The following DOCK5 variants were observed in gnomAD, a reference collection of about 807,000 sequenced individuals.
The protein encoded by DOCK5 is dedicator of cytokinesis 5.
Under a neutral mutation model 251.8 loss-of-function variants are expected in DOCK5, and 142 were observed. That is an observed-to-expected ratio of 0.56 (90% CI 0.49 to 0.65). The LOEUF (loss-of-function observed/expected upper bound fraction) is 0.65. DOCK5 is among the 30% of genes least tolerant of loss of function. The pLI is 0.00. For missense variants in DOCK5, 2,111 were observed against 2,312.3 expected (o/e 0.91, Z 1.79); for synonymous variants, 842 against 835.5 (o/e 1.01, Z -0.13).
chr8:25,292,232 C>CT (rs1804511115), intron 6 of DOCK5, 60 bp downstream of exon 6: 1 of 1,460,944 alleles, frequency 6.8e-7, no homozygotes, highest in African/African-American at 1.4e-5. Flanking sequence ...CATGTTCACG[C>CT]TAATGACACT....
At chr8:25,194,299 A>G (rs924223001) in intron 1 of DOCK5, among the ~76,000 whole-genome samples, 7 of 152,142 alleles carry the variant, frequency 4.6e-5, no homozygotes, top group African/African-American at 1.7e-4. Context: ...GTCTCAAAAA[A>G]ATAAAAGATA....
rs1421118477 is a variant in DOCK5, at chr8:25,217,065, A to ATG, written c.44-26607_44-26606dup. 5.0e-5 allele frequency among the ~76,000 whole-genome samples: 7 copies of ATG among 139,296 alleles called. No homozygotes were observed. In the South Asian group the frequency reaches 1.2e-3, roughly 23 times the overall value. The allele number at this position is 139,296 out of a possible 152,430, so 91.4% of individuals were successfully genotyped here. A position where few individuals can be genotyped will look rare whatever the true frequency, so the allele number is the denominator to read the frequency against. ...GTATACATGTATAGATGTATACAAT[A>ATG]TGTATATATGTATATATAATATGTG... On this transcript the variant is annotated intron_variant, in intron 1 of 51. Transcript: ENST00000276440.
rs368026408 is a variant in DOCK5 at position 25,380,413 on chromosome 8, A to G, written c.4026+19A>G. ...CCTCCTGGTGAGTCTGGGTCAAAAT[A>G]TGTTAGGCCTCTGACAGGGTTGCTA... On this transcript the variant is annotated intron_variant, in intron 39 of 51. Coordinates refer to ENST00000276440, the MANE Select transcript of DOCK5 (RefSeq NM_024940.8). 9.5e-6 allele frequency: 15 copies of G among 1,586,816 alleles called. 1 individual carries two copies. Among genetic ancestry groups the G allele is most frequent in the African/African-American group, 9.4e-5 (7 of 74,566 alleles).
At chr8:25,346,953 C>CG (rs772639861) in intron 26 of DOCK5, among the ~76,000 whole-genome samples, 2 of 152,092 alleles carry the variant, frequency 1.3e-5, no homozygotes, top group African/African-American at 2.4e-5. Flanking sequence ...TGTGTTCACT[C>CG]GAACAGTTGA....
intron 5 of DOCK5, among the ~76,000 whole-genome samples, chr8:25,282,154 G>T (rs1219341338): frequency 6.6e-6 from 1 of 151,464 alleles, no homozygotes; most frequent in Non-Finnish European, 1.5e-5. Context: ...AAAAGTAATT[G>T]TGGCTTTCAC....
intron 5 of DOCK5, among the ~76,000 whole-genome samples, chr8:25,281,497 C>G (rs1345107535): frequency 1.3e-5 from 2 of 150,076 alleles, no homozygotes; most frequent in African/African-American, 2.5e-5. Context: ...TTTTGGCTGC[C>G]AAAATCTCTT....
intron 1 of DOCK5, among the ~76,000 whole-genome samples, chr8:25,220,197 T>TTG (rs1198537262): frequency 4.7e-4 from 71 of 151,326 alleles, no homozygotes; most frequent in Admixed American, 9.2e-4. Context: ...TTCCTTTTCT[T>TTG]TGTGTGTGTG....
rs149326440 is a variant in DOCK5 at position 25,296,308 on chromosome 8, T to C, written c.471-205T>C. On this transcript the variant is annotated intron_variant, in intron 6 of 51. Transcript: ENST00000276440. The stretch of plus-strand genomic sequence containing the variant: ...CATATTTGCATATCCTTCTACGACT[T>C]TGGCTAATATCATCTCATGAGTTTT... 6.7e-3 allele frequency among the ~76,000 whole-genome samples: 1,026 copies of C among 152,310 alleles called. 6 individuals carry two copies. The highest frequency in any genetic ancestry group is 9.8e-3 in the Non-Finnish European group (669 of 68,024).
intron 44 of DOCK5, among the ~76,000 whole-genome samples, chr8:25,393,340 C>G (rs1801293266): frequency 6.6e-6 from 1 of 152,176 alleles, no homozygotes; most frequent in Non-Finnish European, 1.5e-5. Flanking sequence ...TTTCCCACCT[C>G]CTCATTGGCC....
intron 1 of DOCK5, among the ~76,000 whole-genome samples, chr8:25,233,807 A>G (rs1417513899): frequency 6.6e-6 from 1 of 152,234 alleles, no homozygotes. Flanking sequence ...GTAGGTGTAT[A>G]TATTTATGGG....
chr8:25,184,882 CCGCCGCCGCGGGGCGAGGT>C lies in DOCK5; in HGVS notation c.-19_-1del, dbSNP rs1586209085. The C allele has an allele frequency of 1.5e-6, 2 of 1,367,460 alleles. No individual in the cohort carries two copies. The highest frequency in any genetic ancestry group is 5.8e-5 in the East Asian group (2 of 34,364). 84.7% of individuals were successfully genotyped at this position (1,367,460 alleles called of 1,614,324 possible). ...CGAGGAGCTGTAGCAGCCTTAGTCG[CCGCCGCCGCGGGGCGAGGT>C]CGCCGCCATGGCCCGCTGGATCCCG... On this transcript the variant is annotated 5_prime_UTR_variant, in exon 1 of 52. Transcript: ENST00000276440.
At chr8:25,251,846 G>A (rs1247438594) in intron 2 of DOCK5, among the ~76,000 whole-genome samples, 1 of 152,028 alleles carries the variant, frequency 6.6e-6, no homozygotes, top group East Asian at 1.9e-4. Flanking sequence ...AAAATTAGCC[G>A]GGCATGGTGG....
intron 40 of DOCK5, among the ~76,000 whole-genome samples, chr8:25,383,049 G>A (rs1169756740): frequency 6.6e-6 from 1 of 152,094 alleles, no homozygotes; most frequent in African/African-American, 2.4e-5. Flanking sequence ...AGCTGCTACG[G>A]GTCACGCCAG....
Position 25,304,607 on chromosome 8 carries a change from C to T in DOCK5, c.1049+280C>T, listed in dbSNP as rs968738991. 5 of 341,520 alleles carry T rather than the reference C, an allele frequency of 1.5e-5. No individual in the cohort carries two copies. The Admixed American group carries it at 1.9e-4, about 13-fold the overall frequency. The allele number at this position is 341,520 out of a possible 1,614,324, so 21.2% of individuals were successfully genotyped here. A position where few individuals can be genotyped will look rare whatever the true frequency, so the allele number is the denominator to read the frequency against. Reference sequence around the variant, plus strand: ...CTGCTCTGGAATGCAGAGAGGGTGCCGTCCTTGTGTCAGCAATGCCAAAAT... The same window carrying T: ...CTGCTCTGGAATGCAGAGAGGGTGCTGTCCTTGTGTCAGCAATGCCAAAAT... On this transcript the variant is annotated intron_variant, in intron 11 of 51. Transcript: ENST00000276440.
intron 26 of DOCK5, chr8:25,351,519 A>G (rs1015841929): frequency 2.0e-6 from 1 of 510,784 alleles, no homozygotes; most frequent in Admixed American, 3.5e-5. Flanking sequence ...AGCCACATTC[A>G]TCTTTTAAGT....
intron 5 of DOCK5, among the ~76,000 whole-genome samples, chr8:25,288,719 A>C (rs1804407599): frequency 6.6e-6 from 1 of 152,236 alleles, no homozygotes; most frequent in Non-Finnish European, 1.5e-5. Context: ...TGAAAAGCAA[A>C]AACTGACAGG....
chr8:25,307,192 T>G (rs554644992), intron 11 of DOCK5, among the ~76,000 whole-genome samples: 1 of 152,170 alleles, frequency 6.6e-6, no homozygotes, highest in African/African-American at 2.4e-5. Context: ...TGATCTCCGC[T>G]CACTGCAACC....
At chr8:25,378,537 T>G (rs1563222374) in intron 38 of DOCK5, among the ~76,000 whole-genome samples, 1 of 152,180 alleles carries the variant, frequency 6.6e-6, no homozygotes, top group Non-Finnish European at 1.5e-5. Context: ...CAATGGAACA[T>G]AGCACCTTGT....
intron 2 of DOCK5, among the ~76,000 whole-genome samples, 198 bp from the exon 3 acceptor site, chr8:25,268,647 A>G (rs1803826771): frequency 6.6e-6 from 1 of 152,166 alleles, no homozygotes; most frequent in Non-Finnish European, 1.5e-5. Flanking sequence ...ATTGTTATTA[A>G]GAGAATACAG....
Sources: allele counts gnomAD v4.1 joint callset (sites outside exome capture counted in the v4.1 genomes callset), GRCh38; gene constraint gnomAD v4.1.1; transcripts MANE v1.5; gene names NCBI Gene and HGNC (gene_info 2026-07-23, HGNC 2026-07-21).